RAD51B: variants seen among roughly 807,000 people sequenced by gnomAD.
RAD51B encodes the protein RAD51 paralog B, also known as DNA repair protein RAD51 homolog 2.
Under a neutral mutation model 42.2 loss-of-function variants are expected in RAD51B, and 38 were observed. The ratio of observed to expected loss-of-function variants is 0.90; its 90% CI spans 0.70 to 1.18. The LOEUF (loss-of-function observed/expected upper bound fraction) is 1.18. Among genes scored for constraint, RAD51B ranks in the 50% most tolerant of loss-of-function variants. The pLI is 0.00. For missense variants in RAD51B, 373 were observed against 400.7 expected (o/e 0.93, Z 0.59); for synonymous variants, 154 against 145.2 (o/e 1.06, Z -0.43).
At chr14:67,926,615 G>T (rs1349502731) in intron 7 of RAD51B, among the ~76,000 whole-genome samples, 1 of 140,270 alleles carries the variant, frequency 7.1e-6, no homozygotes, top group Non-Finnish European at 1.5e-5. Flanking sequence ...CCACACTGGA[G>T]TGCAGTGGTG....
At chr14:68,585,409 T>TC (rs1370814638) in intron 10 of RAD51B, among the ~76,000 whole-genome samples, 1 of 152,066 alleles carries the variant, frequency 6.6e-6, no homozygotes, top group Non-Finnish European at 1.5e-5. Flanking sequence ...TTAGCGAGTC[T>TC]CCCCTCGGAC....
chr14:68,119,473 C>A lies in RAD51B; in HGVS notation c.757-172411C>A, dbSNP rs558211994. Among the ~76,000 whole-genome samples, 11 of 114,738 alleles carry A rather than the reference C, an allele frequency of 9.6e-5. No individual in the cohort carries two copies. The East Asian group carries it at 2.4e-3, about 25-fold the overall frequency. 75.3% of individuals were successfully genotyped at this position (114,738 alleles called of 152,430 possible). On this transcript the variant is annotated intron_variant, in intron 7 of 10. Coordinates refer to ENST00000471583, the MANE Select transcript of RAD51B (RefSeq NM_133510.4). ...CCTAAAGCTATCCCACCCCCCTCCCCCCACCCCACAACAGTCCCCAGAGTG... is the reference window on the plus strand; with the variant it reads ...CCTAAAGCTATCCCACCCCCCTCCCACCACCCCACAACAGTCCCCAGAGTG...
intron 7 of RAD51B, among the ~76,000 whole-genome samples, chr14:68,270,155 AGTTT>A (rs2081076854): frequency 1.3e-5 from 2 of 152,198 alleles, no homozygotes; most frequent in African/African-American, 4.8e-5. Flanking sequence ...CAATTCCTTT[AGTTT>A]GTTACATGCC....
chr14:68,163,759 A>C (rs969724835), intron 7 of RAD51B, among the ~76,000 whole-genome samples: 7 of 152,342 alleles, frequency 4.6e-5, no homozygotes, highest in Middle Eastern at 3.4e-3. Context: ...GTGTACAGAC[A>C]GGTCACCTAT....
intron 8 of RAD51B, among the ~76,000 whole-genome samples, chr14:68,313,051 T>C (rs868847740): frequency 3.3e-5 from 5 of 152,188 alleles, no homozygotes; most frequent in Non-Finnish European, 5.9e-5. Flanking sequence ...ACTTTCAAAG[T>C]TTATGGGGAA....
intron 10 of RAD51B, chr14:68,470,813 C>T (rs1198248323): frequency 2.7e-5 from 11 of 404,756 alleles, no homozygotes; most frequent in East Asian, 1.3e-4. Context: ...AACCATCCTG[C>T]GGGATCTCTA....
rs532906803 is a variant in RAD51B, at chr14:68,428,707, TTATATATATATATATA to T, written c.957+17223_957+17238del. Among the ~76,000 whole-genome samples, 192 of 99,542 alleles carry T rather than the reference TTATATATATATATATA, an allele frequency of 1.9e-3. 2 individuals are homozygous for T. Among genetic ancestry groups the T allele is most frequent in the African/African-American group, 2.9e-3 (61 of 20,896 alleles). 65.3% of individuals were successfully genotyped at this position (99,542 alleles called of 152,430 possible). On this transcript the variant is annotated intron_variant, in intron 9 of 10. Transcript: ENST00000471583. ...CATGTTGCATATGGCAGGATTTTCT[TTATATATATATATATA>T]TATATATATATATATATATATATAT...
chr14:68,122,865 G>T (rs1260343091), intron 7 of RAD51B, among the ~76,000 whole-genome samples: 1 of 152,148 alleles, frequency 6.6e-6, no homozygotes. Context: ...GAATGAAGAA[G>T]TTCTGCAGTG....
At chr14:68,667,313 C>A (rs1378972404) in intron 11 of RAD51B, among the ~76,000 whole-genome samples, 1 of 152,220 alleles carries the variant, frequency 6.6e-6, no homozygotes, top group African/African-American at 2.4e-5. Context: ...AGTCTGGAGG[C>A]AGAATTCCTT....
intron 10 of RAD51B, among the ~76,000 whole-genome samples, chr14:68,604,180 C>T (rs1002759843): frequency 3.3e-5 from 5 of 152,170 alleles, no homozygotes; most frequent in African/African-American, 4.8e-5. Flanking sequence ...GCCAGGTGCA[C>T]GCGAGAGTGG....
chr14:68,013,249 C>A (rs978077313), intron 7 of RAD51B, among the ~76,000 whole-genome samples: 4 of 152,174 alleles, frequency 2.6e-5, no homozygotes, highest in African/African-American at 9.7e-5. Flanking sequence ...TGTCTGGGTT[C>A]CTCAGAGCAA....
intron 9 of RAD51B, among the ~76,000 whole-genome samples, chr14:68,444,440 T>TTGTGTG (rs3837661): frequency 1.0e-3 from 157 of 150,272 alleles, no homozygotes; most frequent in African/African-American, 3.0e-3. Context: ...GAATTGTGAA[T>TTGTGTG]TGTGTGTGTG....
chr14:67,982,439 C>CAT (rs888973694), intron 7 of RAD51B, among the ~76,000 whole-genome samples: 4 of 151,762 alleles, frequency 2.6e-5, no homozygotes, highest in Non-Finnish European at 5.9e-5. Flanking sequence ...TAACAATGAA[C>CAT]ATATACATTA....
At chr14:68,205,403 A>G (rs1475047730) in intron 7 of RAD51B, among the ~76,000 whole-genome samples, 1 of 152,162 alleles carries the variant, frequency 6.6e-6, no homozygotes, top group African/African-American at 2.4e-5. Flanking sequence ...GAAGGGATAG[A>G]TATGAAACAT....
At chr14:67,971,448 A>G (rs2074895983) in intron 7 of RAD51B, among the ~76,000 whole-genome samples, 1 of 152,112 alleles carries the variant, frequency 6.6e-6, no homozygotes, top group African/African-American at 2.4e-5. Flanking sequence ...ATTAGAGAGG[A>G]TACCATTGAC....
chr14:68,082,834 A>G (rs1029818187), intron 7 of RAD51B, among the ~76,000 whole-genome samples: 1 of 152,174 alleles, frequency 6.6e-6, no homozygotes, highest in African/African-American at 2.4e-5. Context: ...CTGAGCCTAC[A>G]TATTAGTGCC....
chr14:68,638,921 T>C (rs1892398728), intron 10 of RAD51B, among the ~76,000 whole-genome samples: 1 of 152,006 alleles, frequency 6.6e-6, no homozygotes, highest in Non-Finnish European at 1.5e-5. Flanking sequence ...CTCAAACTCA[T>C]CAGATTTGAC....
chr14:68,344,367 G>A (rs550377311), intron 8 of RAD51B, among the ~76,000 whole-genome samples: 28 of 152,336 alleles, frequency 1.8e-4, no homozygotes, highest in Non-Finnish European at 2.9e-5. Flanking sequence ...AATGACTGCC[G>A]CCGAGCGTAG....
intron 7 of RAD51B, among the ~76,000 whole-genome samples, chr14:67,892,699 A>G (rs573024132): frequency 6.6e-6 from 1 of 152,224 alleles, no homozygotes; most frequent in African/African-American, 2.4e-5. Context: ...GGTGAAGCCT[A>G]TTTTTCTCTG....
Sources: gnomAD v4.1 joint callset for allele counts (sites outside exome capture counted in the v4.1 genomes callset) on GRCh38, gnomAD v4.1.1 for gene constraint, MANE v1.5 for transcripts, NCBI Gene and HGNC (gene_info 2026-07-23, HGNC 2026-07-21) for gene names.